Variants in WASHC2C observed in about 807,000 individuals in gnomAD.
The protein encoded by WASHC2C is WASH complex subunit 2C.
WASHC2C carries 73 observed loss-of-function variants against 142.2 expected under a neutral mutation model. The observed-to-expected ratio is 0.51, with a 90% CI of 0.43 to 0.62. The LOEUF (loss-of-function observed/expected upper bound fraction) is 0.62. Ranked by LOEUF, WASHC2C falls within the 20% of genes least tolerant of loss-of-function variation. The probability of loss-of-function intolerance (pLI) is 0.00; values close to 1 mark genes in which losing one functional copy is unlikely to be tolerated. For missense variants in WASHC2C, 969 were observed against 1,531.7 expected (o/e 0.63, Z 6.13); for synonymous variants, 337 against 565.5 (o/e 0.60, Z 5.73).
At chr10:45,754,771 T>C (rs1229839659) in intron 14 of WASHC2C, among the ~76,000 whole-genome samples, 165 bp from the exon 15 acceptor site, 1 of 152,206 alleles carries the variant, frequency 6.6e-6, no homozygotes, top group Non-Finnish European at 1.5e-5. Flanking sequence ...GATTCTCCGT[T>C]GTGAGATGTT....
chr10:45,754,299 CA>C (rs1293957158), intron 13 of WASHC2C, among the ~76,000 whole-genome samples, 186 bp from the exon 14 acceptor site: 4 of 149,750 alleles, frequency 2.7e-5, no homozygotes, highest in East Asian at 1.9e-4. Context: ...GTGTTAATCC[CA>C]AAAAAAAAGT....
rs1283223434 is a variant in WASHC2C, at chr10:45,789,089, T to C, written c.3306T>C (p.Pro1102=). 4.0e-4 allele frequency: 642 copies of C among 1,612,050 alleles called. 1 individual carries two copies. The highest frequency in any genetic ancestry group is 5.2e-4 in the Non-Finnish European group (618 of 1,179,856). Residue 1102 remains proline, a synonymous_variant, in exon 29 of 31, where the codon CCT becomes CCC. Coordinates refer to ENST00000623400, the MANE Select transcript of WASHC2C (RefSeq NM_001330074.2). ...AGGCCCTGGCAGCTGCCGCTGCACC[T>C]TGGGAAGGTGGTCCTGTGCCTGGAG... ...TEEALAAAAA[P]WEGGPVPGVD... is the part of the protein sequence containing the mutation.
chr10:45,787,630 AC>A (rs1381166240), intron 28 of WASHC2C, among the ~76,000 whole-genome samples: 1 of 150,698 alleles, frequency 6.6e-6, no homozygotes, highest in African/African-American at 2.4e-5. Context: ...TTGGTATGAA[AC>A]CCCTTTGCAA....
At position 45,785,571 on chromosome 10, in the gene WASHC2C, A is replaced by G; in HGVS notation, c.2751A>G (p.Lys917=). 2 of 1,613,986 alleles carry G rather than the reference A, an allele frequency of 1.2e-6. No individual in the cohort carries two copies. Among genetic ancestry groups the G allele is most frequent in the Non-Finnish European group, 1.7e-6 (2 of 1,179,874 alleles). Residue 917 remains lysine, a synonymous_variant, in exon 26 of 31, where the codon AAA becomes AAG. Transcript: ENST00000623400. Reference sequence around the variant, plus strand: ...CTGTTAACTCTTTCAAAAACCAGAAACATCCTGAATCCATTCAAGGTAGTA... The same window carrying G: ...CTGTTAACTCTTTCAAAAACCAGAAGCATCCTGAATCCATTCAAGGTAGTA... The part of the protein sequence containing the change: ...DHSVNSFKNQ[K]HPESIQGSKE...
At chr10:45,747,876 C>T (rs1554871925) in intron 8 of WASHC2C, among the ~76,000 whole-genome samples, 2 of 149,704 alleles carry the variant, frequency 1.3e-5, no homozygotes, top group South Asian at 2.1e-4. Flanking sequence ...TGAGCCACCA[C>T]GCCCAGCCAA....
intron 5 of WASHC2C, among the ~76,000 whole-genome samples, chr10:45,741,993 C>T (rs1187432431): frequency 6.6e-6 from 1 of 151,612 alleles, no homozygotes; most frequent in African/African-American, 2.4e-5. Flanking sequence ...CGGGGTTTCA[C>T]CATGGTGACC....
chr10:45,769,219 T>G (rs1353614662), intron 19 of WASHC2C, among the ~76,000 whole-genome samples: 15 of 151,404 alleles, frequency 9.9e-5, no homozygotes, highest in Non-Finnish European at 1.9e-4. Context: ...CTGGGTTCAC[T>G]CCATTCTCCT....
intron 3 of WASHC2C, among the ~76,000 whole-genome samples, chr10:45,733,135 C>CT (rs1255768889): frequency 6.6e-6 from 1 of 152,114 alleles, no homozygotes; most frequent in African/African-American, 2.4e-5. Context: ...CCTGGACCCT[C>CT]TGCACTAGGC....
At chr10:45,780,738 T>A (rs1564812112) in intron 23 of WASHC2C, among the ~76,000 whole-genome samples, 1 of 151,392 alleles carries the variant, frequency 6.6e-6, no homozygotes, top group Non-Finnish European at 1.5e-5. Context: ...TTACAAAAGT[T>A]ACTACTAGTA....
chr10:45,749,783 G>A (rs1413623615), intron 8 of WASHC2C, among the ~76,000 whole-genome samples: 21 of 139,800 alleles, frequency 1.5e-4, no homozygotes, highest in Non-Finnish European at 3.0e-4. Context: ...CCGAGATCGT[G>A]CTGATGCACT....
At chr10:45,763,213 G>T (rs1451368080) in intron 17 of WASHC2C, among the ~76,000 whole-genome samples, 175 bp from the exon 18 acceptor site, 1 of 152,056 alleles carries the variant, frequency 6.6e-6, no homozygotes, top group African/African-American at 2.4e-5. Context: ...CACACACCCT[G>T]CACAGACCCT....
At chr10:45,742,282 C>T (rs1410398211) in intron 5 of WASHC2C, among the ~76,000 whole-genome samples, 2 of 152,208 alleles carry the variant, frequency 1.3e-5, no homozygotes, top group African/African-American at 2.4e-5. Context: ...GGGTATTGTT[C>T]TTCTGTTTAT....
At chr10:45,751,915 G>T (rs147697971) in intron 11 of WASHC2C, among the ~76,000 whole-genome samples, 8,379 of 144,438 alleles carry the variant, frequency 0.058, 302 homozygotes, top group African/African-American at 0.11. Context: ...AGGCAGAGAT[G>T]GCAGTGAGCC....
At chr10:45,749,971 G>T (rs1462759685) in intron 8 of WASHC2C, 125 bp from the exon 9 acceptor site, 24 of 768,222 alleles carry the variant, frequency 3.1e-5, no homozygotes, top group Non-Finnish European at 4.3e-5. Flanking sequence ...ATAACTTGCT[G>T]CATCATGTTT....
At chr10:45,758,038 C>G (rs575485997) in intron 16 of WASHC2C, among the ~76,000 whole-genome samples, 2,312 of 152,206 alleles carry the variant, frequency 0.015, 19 homozygotes, top group African/African-American at 0.052. Flanking sequence ...TCTTTGGTCT[C>G]CTTAATCTAG....
At chr10:45,771,587 T>A (rs1554884704) in intron 20 of WASHC2C, 6 of 979,642 alleles carry the variant, frequency 6.1e-6, no homozygotes, top group Non-Finnish European at 3.6e-6. Context: ...TGTTTGTGGG[T>A]CCTGGTTCCA....
rs180829234 is a variant in WASHC2C, at chr10:45,748,377, C to T, written c.733-1719C>T. 9.8e-4 allele frequency among the ~76,000 whole-genome samples: 149 copies of T among 151,310 alleles called. No individual in the cohort carries two copies. The East Asian group carries it at 0.01, about 10-fold the overall frequency. On this transcript the variant is annotated intron_variant, in intron 8 of 30. Coordinates refer to ENST00000623400, the MANE Select transcript of WASHC2C (RefSeq NM_001330074.2). Reference sequence around the variant, plus strand: ...CGATATTGGTTCACTCCAACCTCCACCTCCTCGGTTCAAGTGATTCTCATG... The same window carrying T: ...CGATATTGGTTCACTCCAACCTCCATCTCCTCGGTTCAAGTGATTCTCATG...
At position 45,786,795 on chromosome 10, in the gene WASHC2C, C is replaced by G. The variant is rs1278104764; in HGVS notation, c.2874+121C>G. 4 of 1,575,660 alleles carry G rather than the reference C, an allele frequency of 2.5e-6. No individual in the cohort carries two copies. The African/African-American group carries it at 5.4e-5, about 21-fold the overall frequency. On this transcript the variant is annotated intron_variant, in intron 27 of 30. Coordinates refer to ENST00000623400, the MANE Select transcript of WASHC2C (RefSeq NM_001330074.2). ...CATCTCTTCCCCCGCCTCCCCTCCC[C>G]TGCACCTAGTTGTTGTCTCCTGTGT...
rs1341610483 is a variant in WASHC2C, at chr10:45,789,399, G to T, written c.3616G>T (p.Asp1206Tyr). 2 of 1,612,026 alleles carry T rather than the reference G, an allele frequency of 1.2e-6. No individual in the cohort carries two copies. Among genetic ancestry groups the T allele is most frequent in the Non-Finnish European group, 8.5e-7 (1 of 1,179,860 alleles). Residue 1206 changes from aspartate (D) to tyrosine (Y), a missense_variant, in exon 29 of 31, where the codon GAT (aspartate) becomes TAT (tyrosine). Transcript: ENST00000623400. ...TNPFPLLEDEDDLFTDQKVKK... is the reference protein window; with the variant it reads ...TNPFPLLEDEYDLFTDQKVKK... ...TCCCTTTCCTCTCCTGGAAGATGAG[G>T]ATGACCTCTTTACAGATCAGAAAGT...
Sources: gnomAD v4.1 joint callset for allele counts (sites outside exome capture counted in the v4.1 genomes callset) on GRCh38, gnomAD v4.1.1 for gene constraint, MANE v1.5 for transcripts, NCBI Gene and HGNC (gene_info 2026-07-23, HGNC 2026-07-21) for gene names.